The following FKBP15 variants were observed in gnomAD, a reference collection of about 807,000 sequenced individuals.
The protein encoded by FKBP15 is FKBP prolyl isomerase family member 15.
Under a neutral mutation model 158.1 loss-of-function variants are expected in FKBP15, and 106 were observed. That is an observed-to-expected ratio of 0.67 (90% CI 0.57 to 0.79). The LOEUF (loss-of-function observed/expected upper bound fraction) is 0.79, where lower values mean the gene tolerates loss of function less well. Among genes scored for constraint, FKBP15 ranks in the 30% least tolerant of loss-of-function variants. The pLI, the probability that FKBP15 is intolerant of heterozygous loss-of-function variation, is 0.00. For synonymous variants in FKBP15, 547 were observed against 548.6 expected (o/e 1.00, Z 0.04); for missense variants, 1,287 against 1,479.1 (o/e 0.87, Z 2.13).
chr9:113,162,108 C>T lies in FKBP15; in HGVS notation c.*3970G>A, dbSNP rs4073133. On this transcript the variant is annotated 3_prime_UTR_variant, in exon 28 of 28. Transcript: ENST00000238256. ...TGGGAGGAGGATGACAAGCTCTCCT[C>T]TCCTCCCTTCCCACTCGAATCAGGC... The T allele has an allele frequency of 0.26, 87,603 of 336,108 alleles. 12,005 individuals are homozygous for T. The highest frequency in any genetic ancestry group is 0.43 in the East Asian group (4,880 of 11,278). 20.8% of individuals were successfully genotyped at this position (336,108 alleles called of 1,614,324 possible).
intron 9 of FKBP15, among the ~76,000 whole-genome samples, chr9:113,195,757 G>C (rs1830665166): frequency 6.6e-6 from 1 of 152,132 alleles, no homozygotes; most frequent in Non-Finnish European, 1.5e-5. Flanking sequence ...GCAGGGAACA[G>C]GTAGTATTAA....
At chr9:113,207,362 CGG>C in intron 2 of FKBP15, 66 bp from the exon 3 acceptor site, 1 of 1,032,140 alleles carries the variant, frequency 9.7e-7, no homozygotes, top group African/African-American at 3.0e-5. Context: ...TTTTTAAAGA[CGG>C]AGTTTCACTT....
chr9:113,162,676 C>A lies in FKBP15; in HGVS notation c.*3402G>T. 5 of 1,399,698 alleles carry A rather than the reference C, an allele frequency of 3.6e-6. No individual in the cohort carries two copies. Among genetic ancestry groups the A allele is most frequent in the Non-Finnish European group, 4.9e-6 (5 of 1,014,544 alleles). The allele number at this position is 1,399,698 out of a possible 1,614,324, so 86.7% of individuals were successfully genotyped here. A position where few individuals can be genotyped will look rare whatever the true frequency, so the allele number is the denominator to read the frequency against. On this transcript the variant is annotated 3_prime_UTR_variant, in exon 28 of 28. Transcript: ENST00000238256. Reference sequence around the variant, plus strand: ...TCACGTAACTCAACAGCTTTCTACTCCCTGATATCTACTCCCAGCTTCCTC... The same window carrying A: ...TCACGTAACTCAACAGCTTTCTACTACCTGATATCTACTCCCAGCTTCCTC...
Position 113,221,196 on chromosome 9 carries a change from G to A in FKBP15, c.48C>T (p.Ser16=). ...CATACTTCTCAGTCACTCACCCGCC[G>A]CTCGGCGAGAGGAAATCGGTGTCGT... ...DEDDTDFLSP[S]GGARLASLFG... Residue 16 remains serine, a synonymous_variant, in exon 1 of 28, where the codon AGC becomes AGT. Coordinates refer to ENST00000238256, the MANE Select transcript of FKBP15 (RefSeq NM_015258.2). 2.5e-6 allele frequency: 4 copies of A among 1,609,304 alleles called. No homozygotes were observed. The highest frequency in any genetic ancestry group is 2.2e-5 in the South Asian group (2 of 90,216).
At chr9:113,194,596 C>G (rs1830636480) in intron 9 of FKBP15, among the ~76,000 whole-genome samples, 1 of 152,010 alleles carries the variant, frequency 6.6e-6, no homozygotes, top group Admixed American at 6.6e-5. Flanking sequence ...GCCAAAAAGA[C>G]AAAGGTAGCA....
intron 1 of FKBP15, among the ~76,000 whole-genome samples, chr9:113,218,452 A>T (rs1424405320): frequency 6.7e-6 from 1 of 150,180 alleles, no homozygotes; most frequent in Non-Finnish European, 1.5e-5. Context: ...AGGTAAAATT[A>T]TTTCATAGAG....
chr9:113,179,979 T>C (rs886866720), intron 19 of FKBP15, among the ~76,000 whole-genome samples: 1 of 152,150 alleles, frequency 6.6e-6, no homozygotes, highest in Non-Finnish European at 1.5e-5. Context: ...CTGCTTCAAA[T>C]GGCCTAATGA....
chr9:113,174,428 C>G lies in FKBP15; in HGVS notation c.2379G>C (p.Gln793His), dbSNP rs1460748969. The change falls in exon 22 of 28, where the codon CAG (glutamine) becomes CAC (histidine). Residue 793 changes from glutamine (Q) to histidine (H), a missense_variant and splice_region_variant. Physicochemically the swap from Gln to His is conservative, Grantham distance 24. Transcript: ENST00000238256. ...TCAAAGTGCTTCAGTTTCCCATTAC[C>G]TGCTCTGCAGCTGCTTGGTCTGTGG... ...RVSTDQAAAE[Q>H]LSLVQAELQT... is the part of the protein sequence containing the mutation. The G allele has an allele frequency of 6.2e-7, 1 of 1,613,200 alleles. No individual in the cohort carries two copies. The highest frequency in any genetic ancestry group is 1.3e-5 in the African/African-American group (1 of 74,984).
At chr9:113,203,069 AAG>A (rs1564180682) in intron 4 of FKBP15, 34 bp from the exon 5 acceptor site, 1 of 1,394,100 alleles carries the variant, frequency 7.2e-7, no homozygotes, top group East Asian at 2.3e-5. Flanking sequence ...GAAAAAAAAA[AAG>A]AGAGACAGCA....
chr9:113,199,829 A>C lies in FKBP15; in HGVS notation c.633T>G (p.Asn211Lys), dbSNP rs1245773960. Residue 211 changes from asparagine to lysine, a missense_variant, in exon 7 of 28, where the codon AAT (asparagine) becomes AAG (lysine). Coordinates refer to ENST00000238256, the MANE Select transcript of FKBP15 (RefSeq NM_015258.2). ...EVAYTGWLFQ[N>K]HVLGQVFDST... ...ATTTTCTTACCTGGCCCAGCACATG[A>C]TTCTGAAAGAGCCAGCCGGTATAGG... is the stretch of plus-strand genomic sequence containing the variant. 4 of 1,612,656 alleles carry C rather than the reference A, an allele frequency of 2.5e-6. No homozygotes were observed. The highest frequency in any genetic ancestry group is 3.4e-6 in the Non-Finnish European group (4 of 1,179,354).
chr9:113,187,694 G>C, intron 14 of FKBP15, 99 bp downstream of exon 14: 1 of 949,334 alleles, frequency 1.1e-6, no homozygotes, highest in Non-Finnish European at 1.6e-6. Context: ...TCTGACTTTG[G>C]GGAACTGCTA....
At chr9:113,215,480 A>G (rs1287751383) in intron 1 of FKBP15, among the ~76,000 whole-genome samples, 1 of 151,920 alleles carries the variant, frequency 6.6e-6, no homozygotes, top group African/African-American at 2.4e-5. Context: ...GGCAACAACA[A>G]TTACAGTAAC....
At chr9:113,210,238 G>A (rs1389613544) in intron 2 of FKBP15, among the ~76,000 whole-genome samples, 1 of 151,936 alleles carries the variant, frequency 6.6e-6, no homozygotes, top group Non-Finnish European at 1.5e-5. Flanking sequence ...AGCCAGACTG[G>A]TCAAGGATAC....
chr9:113,190,797 GACAAAGTGGTTTCACATAC>G (rs370354668), intron 11 of FKBP15, among the ~76,000 whole-genome samples: 27 of 152,188 alleles, frequency 1.8e-4, no homozygotes, highest in African/African-American at 6.0e-4. Flanking sequence ...CTTTGGAATG[GACAAAGTGGTTTCACATAC>G]ATTGCCTCAT....
chr9:113,183,664 G>T, intron 18 of FKBP15, 87 bp downstream of exon 18: 2 of 832,390 alleles, frequency 2.4e-6, no homozygotes, highest in Non-Finnish European at 4.0e-6. Context: ...CATACGTACT[G>T]CCCTAAACAA....
chr9:113,168,686 A>G (rs1587947434), intron 26 of FKBP15, 130 bp from the exon 27 acceptor site: 2 of 747,162 alleles, frequency 2.7e-6, no homozygotes, highest in East Asian at 5.5e-5. Flanking sequence ...AATTCCTCCC[A>G]CCTCCGCTGC....
intron 21 of FKBP15, 47 bp downstream of exon 21, chr9:113,176,490 A>G: frequency 6.6e-7 from 1 of 1,523,870 alleles, no homozygotes; most frequent in Non-Finnish European, 8.8e-7. Context: ...GAAAATAAAA[A>G]TGTTTATTAA....
intron 4 of FKBP15, among the ~76,000 whole-genome samples, chr9:113,204,578 A>G (rs1830853675): frequency 1.3e-5 from 2 of 152,214 alleles, no homozygotes; most frequent in Admixed American, 1.3e-4. Flanking sequence ...CTTTAAAGAT[A>G]TAATTCTACT....
At chr9:113,211,155 TTTTTA>T (rs1472362073) in intron 2 of FKBP15, among the ~76,000 whole-genome samples, 1 of 152,122 alleles carries the variant, frequency 6.6e-6, no homozygotes, top group Non-Finnish European at 1.5e-5. Flanking sequence ...TACACTCTTG[TTTTTA>T]TTTTGTTTCA....
Sources: gnomAD v4.1 joint callset for allele counts (sites outside exome capture counted in the v4.1 genomes callset) on GRCh38, gnomAD v4.1.1 for gene constraint, MANE v1.5 for transcripts, NCBI Gene and HGNC (gene_info 2026-07-23, HGNC 2026-07-21) for gene names.